The following TAFA2 variants were observed in gnomAD, a reference collection of about 807,000 sequenced individuals.
TAFA2 encodes chemokine-like protein TAFA-2.
Under a neutral mutation model 18.8 loss-of-function variants are expected in TAFA2, and 7 were observed. That is an observed-to-expected ratio of 0.37 (90% CI 0.21 to 0.70). The LOEUF (loss-of-function observed/expected upper bound fraction) is 0.70, where lower values mean the gene tolerates loss of function less well. Among genes scored for constraint, TAFA2 ranks in the 30% least tolerant of loss-of-function variants. The pLI is 0.53. For synonymous variants in TAFA2, 60 were observed against 54.2 expected (o/e 1.11, Z -0.47); for missense variants, 122 against 158.1 (o/e 0.77, Z 1.23).
rs68008958 is a variant in TAFA2, at chr12:62,110,612, C to CTTTTTTT, written c.-2+80640_-2+80646dup. On this transcript the variant is annotated intron_variant, in intron 1 of 4. Transcript: ENST00000416284. ...AGCTGTGAATCCATCTGGTCCTGGGCTTTTTTTTTTTTTTTTTTTGGTTGG... is the reference window on the plus strand; with the variant it reads ...AGCTGTGAATCCATCTGGTCCTGGGCTTTTTTTTTTTTTTTTTTTTTTTTTTGGTTGG... Among the ~76,000 whole-genome samples the CTTTTTTT allele has an allele frequency of 1.1e-4, 12 of 104,786 alleles. 1 individual carries two copies. Among genetic ancestry groups the CTTTTTTT allele is most frequent in the East Asian group, 6.1e-4 (2 of 3,300 alleles). 68.7% of individuals were successfully genotyped at this position (104,786 alleles called of 152,430 possible). A position where few individuals can be genotyped will look rare whatever the true frequency, so the allele number is the denominator to read the frequency against.
chr12:61,884,150 T>C (rs1430314736), intron 1 of TAFA2, among the ~76,000 whole-genome samples: 3 of 152,160 alleles, frequency 2.0e-5, no homozygotes, highest in Non-Finnish European at 4.4e-5. Context: ...TGGCAAGTAA[T>C]CTCATTTGGC....
At chr12:62,062,639 A>G (rs1882381213) in intron 1 of TAFA2, among the ~76,000 whole-genome samples, 1 of 152,226 alleles carries the variant, frequency 6.6e-6, no homozygotes, top group African/African-American at 2.4e-5. Context: ...TTAGTGACTT[A>G]AAACAACATA....
Position 61,984,021 on chromosome 12 carries a change from T to C in TAFA2, c.-1-116595A>G, listed in dbSNP as rs142587589. On this transcript the variant is annotated intron_variant, in intron 1 of 4. Transcript: ENST00000416284. ...AAGAGAGCTCTCTCCTACCACCCTA[T>C]GTAAAGCTGTACCTGACACACTCAT... 8.5e-3 allele frequency among the ~76,000 whole-genome samples: 1,299 copies of C among 152,252 alleles called. 6 individuals are homozygous for C. Among genetic ancestry groups the C allele is most frequent in the Non-Finnish European group, 0.014 (952 of 68,018 alleles).
intron 1 of TAFA2, among the ~76,000 whole-genome samples, chr12:61,917,285 T>C (rs1876865261): frequency 6.6e-6 from 1 of 152,206 alleles, no homozygotes; most frequent in Non-Finnish European, 1.5e-5. Context: ...CAAGTCTACA[T>C]AGCATTTTGA....
chr12:61,974,176 A>G (rs1879351166), intron 1 of TAFA2, among the ~76,000 whole-genome samples: 1 of 151,760 alleles, frequency 6.6e-6, no homozygotes, highest in Admixed American at 6.6e-5. Flanking sequence ...GAATCTTTCA[A>G]TCTCTATATA....
At chr12:62,170,866 A>G (rs971929957) in intron 1 of TAFA2, among the ~76,000 whole-genome samples, 2 of 152,186 alleles carry the variant, frequency 1.3e-5, no homozygotes, top group African/African-American at 4.8e-5. Flanking sequence ...TTCATCAGGT[A>G]GCAGATTACC....
At chr12:62,256,140 G>C (rs1293131658) in intron 1 of TAFA2, among the ~76,000 whole-genome samples, 1 of 151,432 alleles carries the variant, frequency 6.6e-6, no homozygotes, top group African/African-American at 2.4e-5. Flanking sequence ...ATGTTGACAG[G>C]TGCCTGTAAT....
chr12:61,733,110 G>C (rs10877726), intron 4 of TAFA2, among the ~76,000 whole-genome samples: 1 of 151,682 alleles, frequency 6.6e-6, no homozygotes, highest in Non-Finnish European at 1.5e-5. Context: ...CCCACTTTTT[G>C]ATGGGGTTGT....
chr12:62,109,290 A>C (rs1869611662), intron 1 of TAFA2, among the ~76,000 whole-genome samples: 1 of 152,162 alleles, frequency 6.6e-6, no homozygotes, highest in South Asian at 2.1e-4. Flanking sequence ...AGATCGTTGT[A>C]GATGTGTAGC....
At chr12:61,851,134 AT>A (rs1873625574) in intron 2 of TAFA2, among the ~76,000 whole-genome samples, 1 of 152,210 alleles carries the variant, frequency 6.6e-6, no homozygotes, top group South Asian at 2.1e-4. Context: ...AGTGAGAAAA[AT>A]AAACATTAAC....
intron 1 of TAFA2, among the ~76,000 whole-genome samples, chr12:61,982,399 T>C (rs1879666875): frequency 6.6e-6 from 1 of 152,068 alleles, no homozygotes; most frequent in Non-Finnish European, 1.5e-5. Context: ...GTATCAAACC[T>C]GCACGTTGTG....
At chr12:61,823,972 G>C (rs1872429443) in intron 2 of TAFA2, among the ~76,000 whole-genome samples, 1 of 152,098 alleles carries the variant, frequency 6.6e-6, no homozygotes, top group Admixed American at 6.6e-5. Context: ...TGTGAGACCG[G>C]TGATTTGATA....
In TAFA2 at chr12:62,123,332, G is replaced by A. The variant is rs145619869; in HGVS notation, c.-2+67927C>T. On this transcript the variant is annotated intron_variant, in intron 1 of 4. Transcript: ENST00000416284. ...ACCTAAACTTAAATAATCTCCAAGA[G>A]TTGCTATCTCAGATGTAGGTGCACA... 1.3e-3 allele frequency among the ~76,000 whole-genome samples: 203 copies of A among 152,114 alleles called. 3 individuals are homozygous for A. Among genetic ancestry groups the A allele is most frequent in the African/African-American group, 4.7e-3 (193 of 41,500 alleles).
chr12:61,710,263 G>A lies in TAFA2; in HGVS notation c.*143C>T, dbSNP rs186157027. Reference sequence around the variant, plus strand: ...TAAAAAGTCTTGATTTCAAGAAGAGGCCATGAAATCCCTTGGAAATAGACT... The same window carrying A: ...TAAAAAGTCTTGATTTCAAGAAGAGACCATGAAATCCCTTGGAAATAGACT... On this transcript the variant is annotated 3_prime_UTR_variant, in exon 5 of 5. Coordinates refer to ENST00000416284, the MANE Select transcript of TAFA2 (RefSeq NM_178539.5). The A allele has an allele frequency of 7.1e-6, 5 of 700,292 alleles. No individual in the cohort carries two copies. The Admixed American group carries it at 7.1e-5, about 10-fold the overall frequency. The allele number at this position is 700,292 out of a possible 1,614,324, so 43.4% of individuals were successfully genotyped here.
chr12:62,251,626 T>C (rs899052642), intron 1 of TAFA2, among the ~76,000 whole-genome samples: 6 of 152,158 alleles, frequency 3.9e-5, no homozygotes, highest in African/African-American at 1.4e-4. Flanking sequence ...GCAAACAAGA[T>C]TGAGCAGAGA....
At chr12:62,130,520 G>A (rs1421553775) in intron 1 of TAFA2, among the ~76,000 whole-genome samples, 1 of 151,892 alleles carries the variant, frequency 6.6e-6, no homozygotes, top group Non-Finnish European at 1.5e-5. Context: ...GGGTGTATGG[G>A]GGTAGGGAAA....
Position 61,854,954 on chromosome 12 carries a change from G to A in TAFA2, c.106+12366C>T, listed in dbSNP as rs1315907783. Among the ~76,000 whole-genome samples, 4 of 152,288 alleles carry A rather than the reference G, an allele frequency of 2.6e-5. No homozygotes were observed. In the East Asian group the frequency reaches 7.7e-4, roughly 29 times the overall value. ...GGAAAAGGTAATTGTCAGGATGATA[G>A]TGAAGAGAGATCCCAGGATGAAGTA... On this transcript the variant is annotated intron_variant, in intron 2 of 4. Coordinates refer to ENST00000416284, the MANE Select transcript of TAFA2 (RefSeq NM_178539.5).
At chr12:61,936,585 CAAAT>C (rs59196910) in intron 1 of TAFA2, among the ~76,000 whole-genome samples, 45,475 of 150,774 alleles carry the variant, frequency 0.3, 8,109 homozygotes, top group African/African-American at 0.51. Context: ...CATAAAAATA[CAAAT>C]AAATAAATAA....
chr12:61,980,282 T>C (rs1473577945), intron 1 of TAFA2, among the ~76,000 whole-genome samples: 1 of 152,114 alleles, frequency 6.6e-6, no homozygotes, highest in Non-Finnish European at 1.5e-5. Context: ...CTCAATAAAC[T>C]AGGTATTGAT....
Sources: allele counts gnomAD v4.1 joint callset (sites outside exome capture counted in the v4.1 genomes callset), GRCh38; gene constraint gnomAD v4.1.1; transcripts MANE v1.5; gene names NCBI Gene and HGNC (gene_info 2026-07-23, HGNC 2026-07-21).